Variants in PRORP observed in about 807,000 individuals in gnomAD.
PRORP encodes mitochondrial ribonuclease P catalytic subunit.
PRORP carries 51 observed loss-of-function variants against 59.4 expected under a neutral mutation model. That is an observed-to-expected ratio of 0.86 (90% confidence interval 0.69 to 1.08). PRORP has a LOEUF of 1.08. Among genes scored for constraint, PRORP ranks in the 50% least tolerant of loss-of-function variants. The pLI is 0.00. For missense variants in PRORP, 646 were observed against 690.3 expected (o/e 0.94, Z 0.72); for synonymous variants, 231 against 245.6 (o/e 0.94, Z 0.55).
At chr14:35,175,362 G>A (rs2048421779) in intron 4 of PRORP, among the ~76,000 whole-genome samples, 2 of 151,980 alleles carry the variant, frequency 1.3e-5, no homozygotes, top group African/African-American at 2.4e-5. Context: ...CCCACCAACA[G>A]TGTAAAAGTG....
chr14:35,229,033 C>T (rs2050007312), intron 5 of PRORP, among the ~76,000 whole-genome samples: 1 of 152,068 alleles, frequency 6.6e-6, no homozygotes, highest in African/African-American at 2.4e-5. Flanking sequence ...ATTTATAGTT[C>T]TCTGATGATT....
intron 2 of PRORP, among the ~76,000 whole-genome samples, chr14:35,126,159 A>G (rs534260507): frequency 5.5e-4 from 83 of 152,220 alleles, no homozygotes; most frequent in African/African-American, 1.9e-3. Flanking sequence ...AGATGATGAG[A>G]ATTAAGAACT....
intron 5 of PRORP, among the ~76,000 whole-genome samples, chr14:35,184,416 C>G (rs146397237): frequency 3.0e-4 from 46 of 152,198 alleles, no homozygotes; most frequent in African/African-American, 1.1e-3. Flanking sequence ...ACTGTCATTG[C>G]CTGGGTGTGT....
intron 5 of PRORP, among the ~76,000 whole-genome samples, chr14:35,213,437 T>A (rs2049503579): frequency 6.6e-6 from 1 of 151,904 alleles, no homozygotes; most frequent in South Asian, 2.1e-4. Context: ...TTAAAAAAAA[T>A]AAAATAAAAA....
intron 5 of PRORP, among the ~76,000 whole-genome samples, chr14:35,233,696 A>AT (rs923886609): frequency 3.3e-5 from 5 of 151,664 alleles, no homozygotes; most frequent in Non-Finnish European, 7.4e-5. Flanking sequence ...TAGTTCTCTA[A>AT]TTTTTTTCGT....
At chr14:35,129,534 G>T (rs1234058970) in intron 4 of PRORP, among the ~76,000 whole-genome samples, 1 of 151,384 alleles carries the variant, frequency 6.6e-6, no homozygotes, top group Non-Finnish European at 1.5e-5. Context: ...GAGTGCCGTG[G>T]TGCGATCTTG....
At chr14:35,217,307 C>T (rs1198495327) in intron 5 of PRORP, among the ~76,000 whole-genome samples, 2 of 151,846 alleles carry the variant, frequency 1.3e-5, no homozygotes, top group East Asian at 3.9e-4. Flanking sequence ...TCTAGACCAG[C>T]CTTGCCAACA....
At chr14:35,220,726 A>G (rs1566506169) in intron 5 of PRORP, among the ~76,000 whole-genome samples, 1 of 149,516 alleles carries the variant, frequency 6.7e-6, no homozygotes, top group Non-Finnish European at 1.5e-5. Flanking sequence ...CTTTAATTTT[A>G]ATTATTCCCC....
At chr14:35,261,011 A>T (rs1189304678) in intron 5 of PRORP, among the ~76,000 whole-genome samples, 1 of 152,112 alleles carries the variant, frequency 6.6e-6, no homozygotes, top group Non-Finnish European at 1.5e-5. Flanking sequence ...ACATACACAG[A>T]CTCACACACA....
chr14:35,245,964 C>T (rs918988983), intron 5 of PRORP, among the ~76,000 whole-genome samples: 4 of 152,110 alleles, frequency 2.6e-5, no homozygotes, highest in South Asian at 4.1e-4. Context: ...ATTATTCTTA[C>T]ACATGATGGT....
chr14:35,191,850 A>C (rs1202522561), intron 5 of PRORP, among the ~76,000 whole-genome samples: 2 of 150,794 alleles, frequency 1.3e-5, no homozygotes, highest in Non-Finnish European at 1.5e-5. Context: ...TATATCCAGT[A>C]GACTGACAAG....
chr14:35,208,727 C>T (rs1339810466), intron 5 of PRORP, among the ~76,000 whole-genome samples: 22 of 151,576 alleles, frequency 1.5e-4, no homozygotes, highest in Non-Finnish European at 2.5e-4. Context: ...AAAATTAGGC[C>T]GGGCATGGTG....
chr14:35,129,769 G>A (rs1183384141), intron 4 of PRORP, among the ~76,000 whole-genome samples: 6 of 152,016 alleles, frequency 3.9e-5, no homozygotes, highest in African/African-American at 9.6e-5. Flanking sequence ...GTAAGCCACC[G>A]TGCCCAGCCT....
At chr14:35,248,157 A>G (rs1351636804) in intron 5 of PRORP, among the ~76,000 whole-genome samples, 2 of 152,246 alleles carry the variant, frequency 1.3e-5, no homozygotes, top group Admixed American at 1.3e-4. Flanking sequence ...AAAGCAGGAT[A>G]TAGGACATGG....
chr14:35,228,889 G>T (rs566417175), intron 5 of PRORP, among the ~76,000 whole-genome samples: 1 of 152,186 alleles, frequency 6.6e-6, no homozygotes, highest in Admixed American at 6.5e-5. Flanking sequence ...TTTCCATGGT[G>T]ACTGAACCAA....
intron 5 of PRORP, among the ~76,000 whole-genome samples, chr14:35,242,121 T>C (rs2050384099): frequency 6.6e-6 from 1 of 152,220 alleles, no homozygotes; most frequent in Non-Finnish European, 1.5e-5. Context: ...TAGTGATTTA[T>C]TTATGTCTGT....
chr14:35,252,236 G>C (rs547474657), intron 5 of PRORP, among the ~76,000 whole-genome samples: 2 of 152,158 alleles, frequency 1.3e-5, no homozygotes, highest in South Asian at 4.1e-4. Context: ...TCTAGCTTGG[G>C]TAACATGGTG....
intron 4 of PRORP, among the ~76,000 whole-genome samples, chr14:35,176,580 T>C (rs1343190628): frequency 6.6e-6 from 1 of 152,150 alleles, no homozygotes; most frequent in Non-Finnish European, 1.5e-5. Flanking sequence ...GTGATTTTTG[T>C]ACATTGATTT....
At position 35,192,821 on chromosome 14, in the gene PRORP, C is replaced by G. The variant is rs1001808431; in HGVS notation, c.1275+12044C>G. On this transcript the variant is annotated intron_variant, in intron 5 of 7. Transcript: ENST00000534898. ...CCAGCCTGACCAACACGGCGAAACCCTGTCTCTACTAAAAATACAAAAATT... is the reference window on the plus strand; with the variant it reads ...CCAGCCTGACCAACACGGCGAAACCGTGTCTCTACTAAAAATACAAAAATT... Among the ~76,000 whole-genome samples the G allele has an allele frequency of 2.6e-4, 39 of 152,060 alleles. 1 individual carries two copies. Among genetic ancestry groups the G allele is most frequent in the Admixed American group, 1.8e-3 (27 of 15,266 alleles).
Sources: gnomAD v4.1 joint callset for allele counts (sites outside exome capture counted in the v4.1 genomes callset) on GRCh38, gnomAD v4.1.1 for gene constraint, MANE v1.5 for transcripts, NCBI Gene and HGNC (gene_info 2026-07-23, HGNC 2026-07-21) for gene names.